The following ADAM32 variants were observed in gnomAD, a reference collection of about 807,000 sequenced individuals.
The protein encoded by ADAM32 is ADAM metallopeptidase domain 32, also known as disintegrin and metalloproteinase domain-containing protein 32.
ADAM32 carries 89 observed loss-of-function variants against 114.9 expected under a neutral mutation model. The ratio of observed to expected loss-of-function variants is 0.77; its 90% CI spans 0.65 to 0.92. The LOEUF (loss-of-function observed/expected upper bound fraction) is 0.92, where lower values mean the gene tolerates loss of function less well. Ranked by LOEUF, ADAM32 falls within the 40% of genes least tolerant of loss-of-function variation. ADAM32 has a pLI of 0.00. For missense variants in ADAM32, 870 were observed against 932.8 expected (o/e 0.93, Z 0.88); for synonymous variants, 285 against 307.5 (o/e 0.93, Z 0.77).
chr8:39,167,243 G>T (rs1804897495), intron 9 of ADAM32: 1 of 152,132 alleles, frequency 6.6e-6, no homozygotes, highest in Non-Finnish European at 1.5e-5. Flanking sequence ...TGAGGATCCA[G>T]TTTCATCTCC....
At chr8:39,280,314 G>A (rs1813345712) in intron 22 of ADAM32, among the ~76,000 whole-genome samples, 1 of 152,070 alleles carries the variant, frequency 6.6e-6, no homozygotes, top group East Asian at 1.9e-4. Context: ...AACCCTTTGT[G>A]ACTGTCAATC....
chr8:39,259,709 C>T (rs1811897095), intron 19 of ADAM32, among the ~76,000 whole-genome samples: 2 of 152,010 alleles, frequency 1.3e-5, no homozygotes, highest in African/African-American at 2.4e-5. Flanking sequence ...TAGGATTTTC[C>T]AGTATATTTC....
At chr8:39,130,718 G>T (rs1013132571) in intron 2 of ADAM32, 2 of 301,828 alleles carry the variant, frequency 6.6e-6, no homozygotes, top group African/African-American at 4.6e-5. Flanking sequence ...TTTGTCTCTT[G>T]TTGATTCTAA....
At chr8:39,265,565 A>G (rs1812299392) in intron 19 of ADAM32, among the ~76,000 whole-genome samples, 1 of 152,128 alleles carries the variant, frequency 6.6e-6, no homozygotes, top group African/African-American at 2.4e-5. Flanking sequence ...TGTAGATTTG[A>G]TTATATATTT....
intron 11 of ADAM32, 54 bp from the exon 12 acceptor site, chr8:39,211,090 G>A: frequency 7.7e-7 from 1 of 1,293,924 alleles, no homozygotes; most frequent in South Asian, 2.3e-5. Context: ...ATATCATATA[G>A]AAATGTGTTT....
intron 1 of ADAM32, among the ~76,000 whole-genome samples, chr8:39,115,322 G>T (rs917468500): frequency 2.0e-5 from 3 of 152,002 alleles, no homozygotes; most frequent in African/African-American, 7.3e-5. Flanking sequence ...TCTCTTTTAG[G>T]TTCCTTGAGA....
intron 11 of ADAM32, among the ~76,000 whole-genome samples, chr8:39,203,893 C>A (rs894306437): frequency 6.6e-6 from 1 of 152,092 alleles, no homozygotes; most frequent in Non-Finnish European, 1.5e-5. Flanking sequence ...ACTTATGAAG[C>A]TTAGTTTGGC....
intron 1 of ADAM32, among the ~76,000 whole-genome samples, chr8:39,114,898 T>G (rs1355068581): frequency 2.0e-5 from 3 of 152,128 alleles, no homozygotes; most frequent in African/African-American, 7.2e-5. Flanking sequence ...TAAGTTCTGG[T>G]TCTATTGTGC....
At chr8:39,135,593 C>T (rs1802751484) in intron 2 of ADAM32, among the ~76,000 whole-genome samples, 1 of 152,074 alleles carries the variant, frequency 6.6e-6, no homozygotes. Flanking sequence ...TTCTGGATTT[C>T]AACTAGTTTG....
Position 39,186,903 on chromosome 8 carries a change from T to C in ADAM32, c.916-6T>C, listed in dbSNP as rs748506487. 18 of 1,581,998 alleles carry C rather than the reference T, an allele frequency of 1.1e-5. No individual in the cohort carries two copies. The African/African-American group carries it at 2.3e-4, about 20-fold the overall frequency. Reference sequence around the variant, plus strand: ...TTCCTTAGAATTTTCTTTGTTGTTATTATAGTACCCCAAGGAGATAACTCT... The same window carrying C: ...TTCCTTAGAATTTTCTTTGTTGTTACTATAGTACCCCAAGGAGATAACTCT... On this transcript the variant is annotated splice_region_variant and splice_polypyrimidine_tract_variant and intron_variant, in intron 10 of 24. Coordinates refer to ENST00000379907, the MANE Select transcript of ADAM32 (RefSeq NM_145004.7).
intron 16 of ADAM32, among the ~76,000 whole-genome samples, chr8:39,243,518 A>G (rs1810699267): frequency 6.6e-6 from 1 of 152,242 alleles, no homozygotes; most frequent in Admixed American, 6.5e-5. Context: ...AGCAGAATTT[A>G]AAACAAAAAT....
At position 39,224,746 on chromosome 8, in the gene ADAM32, T is replaced by A. The variant is rs1002892845; in HGVS notation, c.1525+1508T>A. Among the ~76,000 whole-genome samples the A allele has an allele frequency of 2.6e-5, 4 of 152,212 alleles. No homozygotes were observed. In the East Asian group the frequency reaches 7.7e-4, roughly 29 times the overall value. ...TTTTTCCTTTGTTGTGCAAAAGATT[T>A]TTAGGATGCTGGTCTTCATCCCCTC... On this transcript the variant is annotated intron_variant, in intron 14 of 24. Coordinates refer to ENST00000379907, the MANE Select transcript of ADAM32 (RefSeq NM_145004.7).
At chr8:39,148,314 C>T (rs1272572080) in intron 4 of ADAM32, among the ~76,000 whole-genome samples, 1 of 152,084 alleles carries the variant, frequency 6.6e-6, no homozygotes, top group Non-Finnish European at 1.5e-5. Flanking sequence ...CTTTCAAAGA[C>T]TTCATACTTT....
chr8:39,250,365 G>A (rs1262561718), intron 17 of ADAM32, among the ~76,000 whole-genome samples: 2 of 150,732 alleles, frequency 1.3e-5, no homozygotes, highest in Non-Finnish European at 3.0e-5. Context: ...TTCTATTTAC[G>A]GGCCCATCAA....
Position 39,263,370 on chromosome 8 carries a change from A to C in ADAM32, c.2162+6027A>C, listed in dbSNP as rs1354326804. On this transcript the variant is annotated intron_variant, in intron 19 of 24. Coordinates refer to ENST00000379907, the MANE Select transcript of ADAM32 (RefSeq NM_145004.7). The stretch of plus-strand genomic sequence containing the variant: ...AACTTTATTTTTCTATAAGTTATGA[A>C]AATTTTCAGCCCTTATCTCTGCAAT... Among the ~76,000 whole-genome samples, 5 of 152,090 alleles carry C rather than the reference A, an allele frequency of 3.3e-5. No individual in the cohort carries two copies. In the East Asian group the frequency reaches 9.6e-4, roughly 29 times the overall value.
Position 39,165,011 on chromosome 8 carries a change from T to C in ADAM32, c.667-19T>C. 6.4e-7 allele frequency: 1 copy of C among 1,571,964 alleles called. No homozygotes were observed. The highest frequency in any genetic ancestry group is 1.2e-5 in the South Asian group (1 of 84,804). On this transcript the variant is annotated intron_variant, in intron 8 of 24. Coordinates refer to ENST00000379907, the MANE Select transcript of ADAM32 (RefSeq NM_145004.7). ...ACATAAATATTAATTATGCATGTATTTATCTCTTCTGTTTTTAGATGTTCA... is the reference window on the plus strand; with the variant it reads ...ACATAAATATTAATTATGCATGTATCTATCTCTTCTGTTTTTAGATGTTCA...
At chr8:39,217,062 T>C (rs1209149815) in intron 12 of ADAM32, among the ~76,000 whole-genome samples, 3 of 151,400 alleles carry the variant, frequency 2.0e-5, no homozygotes, top group African/African-American at 7.3e-5. Context: ...CCTCAGCTTT[T>C]GTTTCTCTGG....
chr8:39,118,112 G>C lies in ADAM32; in HGVS notation c.85G>C (p.Val29Leu). ...PGFQNSLLQI[V>L]IPEKIQTNTN... The stretch of plus-strand genomic sequence containing the variant: ...TTTTCAAAATTCACTTCTACAGATC[G>C]TAATTCCAGAGAAAATCCAAACAAA... Residue 29 changes from valine to leucine, a missense_variant, in exon 2 of 25, where the codon GTA (valine) becomes CTA (leucine). Transcript: ENST00000379907. 1 of 1,476,960 alleles carries C rather than the reference G, an allele frequency of 6.8e-7. No individual in the cohort carries two copies. The highest frequency in any genetic ancestry group is 9.0e-7 in the Non-Finnish European group (1 of 1,110,708). The allele number at this position is 1,476,960 out of a possible 1,614,324, so 91.5% of individuals were successfully genotyped here.
chr8:39,122,403 G>GA (rs1840622828), intron 2 of ADAM32, among the ~76,000 whole-genome samples: 1 of 152,108 alleles, frequency 6.6e-6, no homozygotes, highest in Non-Finnish European at 1.5e-5. Flanking sequence ...AGAAGAGGAA[G>GA]AGATACAAGA....
Sources: gnomAD v4.1 joint callset for allele counts (sites outside exome capture counted in the v4.1 genomes callset) on GRCh38, gnomAD v4.1.1 for gene constraint, MANE v1.5 for transcripts, NCBI Gene and HGNC (gene_info 2026-07-23, HGNC 2026-07-21) for gene names.